Variants in AP3B1 observed in about 807,000 individuals in gnomAD.
AP3B1 encodes the protein adaptor related protein complex 3 subunit beta 1.
In AP3B1, 61 loss-of-function variants were observed where a neutral mutation model predicts 132.5. The observed-to-expected ratio is 0.46, with a 90% CI of 0.37 to 0.57. The LOEUF (loss-of-function observed/expected upper bound fraction) is 0.57. Ranked by LOEUF, AP3B1 falls within the 20% of genes least tolerant of loss-of-function variation. The probability of loss-of-function intolerance (pLI) is 0.00; values close to 1 mark genes in which losing one functional copy is unlikely to be tolerated. For missense variants in AP3B1, 1,120 were observed against 1,289.4 expected, an observed-to-expected ratio of 0.87 and a Z score of 2.01; for synonymous variants, 388 against 438.3, an observed-to-expected ratio of 0.89 and a Z score of 1.43.
chr5:78,021,001 T>TA (rs541478386), intron 24 of AP3B1, among the ~76,000 whole-genome samples: 1 of 152,014 alleles, frequency 6.6e-6, no homozygotes, highest in Admixed American at 6.6e-5. Context: ...CAAGATTTTT[T>TA]AAAAAACAAA....
chr5:78,095,965 T>C (rs1026599677), intron 21 of AP3B1, among the ~76,000 whole-genome samples: 1 of 152,208 alleles, frequency 6.6e-6, no homozygotes, highest in Admixed American at 6.5e-5. Flanking sequence ...AAAACTTTCA[T>C]TTCAATTCTT....
intron 13 of AP3B1, among the ~76,000 whole-genome samples, chr5:78,158,703 CTTT>C (rs1185304978): frequency 6.9e-6 from 1 of 144,138 alleles, no homozygotes; most frequent in Admixed American, 6.9e-5. Flanking sequence ...GGTATTACTT[CTTT>C]TTTTTTTTTT....
intron 6 of AP3B1, among the ~76,000 whole-genome samples, chr5:78,218,063 A>G (rs990171077): frequency 9.2e-5 from 14 of 152,230 alleles, no homozygotes; most frequent in African/African-American, 3.4e-4. Context: ...AGAACCAAAT[A>G]AAGTTTAAGA....
At chr5:78,028,538 T>C (rs569129350) in intron 24 of AP3B1, among the ~76,000 whole-genome samples, 1 of 152,334 alleles carries the variant, frequency 6.6e-6, no homozygotes, top group African/African-American at 2.4e-5. Context: ...TGGCTGGAAC[T>C]TCCATTATAA....
chr5:78,048,079 T>C (rs1021827387), intron 22 of AP3B1, among the ~76,000 whole-genome samples: 1 of 152,240 alleles, frequency 6.6e-6, no homozygotes, highest in African/African-American at 2.4e-5. Context: ...AATGGTGCCA[T>C]ACAGGCTAGT....
intron 11 of AP3B1, among the ~76,000 whole-genome samples, chr5:78,169,892 G>T (rs1743835827): frequency 6.6e-6 from 1 of 152,004 alleles, no homozygotes; most frequent in Admixed American, 6.6e-5. Context: ...TTCTCCTCAT[G>T]TTATCCCTCC....
intron 22 of AP3B1, among the ~76,000 whole-genome samples, chr5:78,078,746 C>T (rs1282101194): frequency 6.6e-6 from 1 of 152,174 alleles, no homozygotes; most frequent in Non-Finnish European, 1.5e-5. Flanking sequence ...ACTGTGAGCT[C>T]CCTTAGGAAG....
intron 3 of AP3B1, among the ~76,000 whole-genome samples, chr5:78,235,257 G>A (rs1746826194): frequency 6.6e-6 from 1 of 152,048 alleles, no homozygotes; most frequent in African/African-American, 2.4e-5. Context: ...AGAAAGAATG[G>A]GTCCAGTTCT....
intron 26 of AP3B1, among the ~76,000 whole-genome samples, chr5:78,003,894 G>C (rs1214079752): frequency 2.6e-5 from 4 of 152,182 alleles, no homozygotes; most frequent in Admixed American, 6.5e-5. Flanking sequence ...CATTCTGCAT[G>C]CACAGTTGAG....
At chr5:78,198,532 C>T (rs940786574) in intron 7 of AP3B1, among the ~76,000 whole-genome samples, 3 of 152,068 alleles carry the variant, frequency 2.0e-5, no homozygotes, top group Non-Finnish European at 4.4e-5. Context: ...ATTATGAGGT[C>T]CCCACTCTCA....
intron 1 of AP3B1, among the ~76,000 whole-genome samples, chr5:78,279,656 C>T (rs769644966): frequency 6.6e-6 from 1 of 151,730 alleles, no homozygotes; most frequent in African/African-American, 2.4e-5. Context: ...TGCCTGCAAT[C>T]CCAAGACTTT....
At position 78,177,328 on chromosome 5, in the gene AP3B1, T is replaced by C. The variant is rs771006567; in HGVS notation, c.1040+11A>G. ...TACAAAAGAAAAAATATATATAAAATCATGACCTACCTATTGCTACGAAGT... is the reference window on the plus strand; with the variant it reads ...TACAAAAGAAAAAATATATATAAAACCATGACCTACCTATTGCTACGAAGT... On this transcript the variant is annotated intron_variant, in intron 9 of 26. Transcript: ENST00000255194. The C allele has an allele frequency of 7.6e-6, 12 of 1,582,188 alleles. No homozygotes were observed. Among genetic ancestry groups the C allele is most frequent in the East Asian group, 2.2e-5 (1 of 44,714 alleles).
chr5:78,004,332 G>A (rs1336438278), intron 26 of AP3B1, among the ~76,000 whole-genome samples: 7 of 152,174 alleles, frequency 4.6e-5, no homozygotes, highest in Non-Finnish European at 2.9e-5. Flanking sequence ...AGAGCCCACG[G>A]TGTCCACAGG....
intron 20 of AP3B1, 62 bp from the exon 21 acceptor site, chr5:78,101,087 C>A: frequency 9.9e-7 from 1 of 1,012,496 alleles, no homozygotes; most frequent in Non-Finnish European, 1.5e-6. Flanking sequence ...TGGAGTAGTC[C>A]TTAATATTCC....
At chr5:78,239,225 C>T (rs1352332282) in intron 3 of AP3B1, among the ~76,000 whole-genome samples, 1 of 152,018 alleles carries the variant, frequency 6.6e-6, no homozygotes, top group East Asian at 1.9e-4. Flanking sequence ...AATCCCAGCA[C>T]TTTGGGAGGC....
chr5:78,149,232 T>C (rs920285840), intron 14 of AP3B1, among the ~76,000 whole-genome samples: 4 of 152,104 alleles, frequency 2.6e-5, no homozygotes, highest in African/African-American at 7.2e-5. Flanking sequence ...TTTAAACAGA[T>C]AGATTATAAA....
intron 17 of AP3B1, 54 bp from the exon 18 acceptor site, chr5:78,116,288 T>C: frequency 5.4e-6 from 8 of 1,488,214 alleles, no homozygotes; most frequent in Non-Finnish European, 7.5e-6. Context: ...AGATTTAGAG[T>C]TCTGGCAAAC....
chr5:78,031,939 G>C (rs1037507041), intron 24 of AP3B1, among the ~76,000 whole-genome samples: 12 of 152,114 alleles, frequency 7.9e-5, no homozygotes, highest in African/African-American at 2.7e-4. Context: ...TCCCACACTG[G>C]TTAATGCATG....
At chr5:78,185,629 T>C (rs967841157) in intron 7 of AP3B1, among the ~76,000 whole-genome samples, 5 of 152,040 alleles carry the variant, frequency 3.3e-5, no homozygotes, top group African/African-American at 1.2e-4. Context: ...AAGGCCAAGG[T>C]AGAAAGATTA....
Sources: gnomAD v4.1 joint callset for allele counts (sites outside exome capture counted in the v4.1 genomes callset) on GRCh38, gnomAD v4.1.1 for gene constraint, MANE v1.5 for transcripts, NCBI Gene and HGNC (gene_info 2026-07-23, HGNC 2026-07-21) for gene names.